The following THEMIS variants were observed in gnomAD, a reference collection of about 807,000 sequenced individuals.
THEMIS encodes the protein thymocyte selection associated.
THEMIS carries 37 observed loss-of-function variants against 52.6 expected under a neutral mutation model. The observed-to-expected ratio is 0.70, with a 90% CI of 0.54 to 0.93. THEMIS has a LOEUF of 0.93. Ranked by LOEUF, THEMIS falls within the 40% of genes least tolerant of loss-of-function variation. The pLI is 0.00. For missense variants in THEMIS, 808 were observed against 763.1 expected, an observed-to-expected ratio of 1.06 and a Z score of -0.69; for synonymous variants, 292 against 272.7, an observed-to-expected ratio of 1.07 and a Z score of -0.70.
chr6:127,867,888 A>G (rs1271178374), intron 1 of THEMIS, among the ~76,000 whole-genome samples: 1 of 151,948 alleles, frequency 6.6e-6, no homozygotes, highest in African/African-American at 2.4e-5. Context: ...AAATTTCAAG[A>G]CTGATGTTTA....
intron 1 of THEMIS, among the ~76,000 whole-genome samples, chr6:127,914,775 T>C (rs1400551242): frequency 6.6e-6 from 1 of 152,234 alleles, no homozygotes; most frequent in Non-Finnish European, 1.5e-5. Context: ...GTTCCCACTT[T>C]ACAGTAAAGT....
chr6:127,911,357 T>C lies in THEMIS; in HGVS notation c.-150+7071A>G, dbSNP rs142961786. ...ATTTCTGTCTTCTCCTTCATTTATT[T>C]ATTTATTTATTTATTTAATCATGAG... On this transcript the variant is annotated intron_variant, in intron 1 of 6. Coordinates refer to the THEMIS transcript ENST00000368250. 2.1e-4 allele frequency among the ~76,000 whole-genome samples: 31 copies of C among 150,826 alleles called. 1 individual carries two copies. The East Asian group carries it at 4.8e-3, about 24-fold the overall frequency.
chr6:127,902,191 T>C (rs1317292504), upstream of THEMIS, among the ~76,000 whole-genome samples: 1 of 151,636 alleles, frequency 6.6e-6, no homozygotes, highest in East Asian at 2.0e-4. Context: ...CCAGGCATGG[T>C]GGCACATGCC....
In THEMIS at chr6:127,719,789, G is replaced by A; in HGVS notation, c.1793C>T (p.Pro598Leu). Residue 598 changes from proline (P) to leucine (L), a missense_variant, in exon 5 of 6, where the codon CCA (proline) becomes CTA (leucine). Transcript: ENST00000368248. The stretch of plus-strand genomic sequence containing the variant: ...TTTTGAATCCAGGCCAGCTTGATTT[G>A]GGTGAAGTTTCTTGGTTATGTCTAC... ...HHVDITKKLH[P>L]NQAGLDSKVL... 6 of 1,612,282 alleles carry A rather than the reference G, an allele frequency of 3.7e-6. No homozygotes were observed. Among genetic ancestry groups the A allele is most frequent in the Non-Finnish European group, 3.4e-6 (4 of 1,178,932 alleles).
At chr6:127,832,836 T>A (rs1424187217) in intron 2 of THEMIS, among the ~76,000 whole-genome samples, 1 of 128,056 alleles carries the variant, frequency 7.8e-6, no homozygotes, top group African/African-American at 2.9e-5. Context: ...CAGGCTGGAG[T>A]GCAGTGGTAC....
At position 127,855,055 on chromosome 6, in the gene THEMIS, T is replaced by C. The variant is rs764061012; in HGVS notation, c.225A>G (p.Pro75=). The C allele has an allele frequency of 3.7e-6, 6 of 1,608,782 alleles. No homozygotes were observed. Among genetic ancestry groups the C allele is most frequent in the Middle Eastern group, 1.7e-4 (1 of 6,042 alleles). The change falls in exon 2 of 6, where the codon CCA becomes CCG. Residue 75 remains proline, a synonymous_variant. Coordinates refer to ENST00000368248, the MANE Select transcript of THEMIS (RefSeq NM_001010923.3). ...EQIEGCESLQ[P]FELPMNFPGL... Reference sequence around the variant, plus strand: ...CTGGAAAATTCATAGGCAGTTCAAATGGCTGTAGAGACTCACAACCTTCAA... The same window carrying C: ...CTGGAAAATTCATAGGCAGTTCAAACGGCTGTAGAGACTCACAACCTTCAA...
chr6:127,736,638 C>T (rs1053629871), intron 4 of THEMIS, among the ~76,000 whole-genome samples: 4 of 151,960 alleles, frequency 2.6e-5, no homozygotes, highest in African/African-American at 7.2e-5. Flanking sequence ...AAACAATATC[C>T]TCAAATGCAA....
chr6:127,878,738 AATTTCT>A (rs1291125463), intron 1 of THEMIS, among the ~76,000 whole-genome samples: 1 of 152,200 alleles, frequency 6.6e-6, no homozygotes, highest in Admixed American at 6.5e-5. Flanking sequence ...AATAAATAGA[AATTTCT>A]GAATATTACT....
intron 4 of THEMIS, among the ~76,000 whole-genome samples, chr6:127,763,561 TATC>T (rs559777340): frequency 5.4e-4 from 82 of 152,072 alleles, no homozygotes; most frequent in South Asian, 1.2e-3. Flanking sequence ...TCTCCTTACT[TATC>T]ATGATCCATG....
chr6:127,835,148 C>A (rs540038060), intron 2 of THEMIS, among the ~76,000 whole-genome samples: 17 of 152,258 alleles, frequency 1.1e-4, no homozygotes, highest in Admixed American at 5.2e-4. Context: ...AGACCTTAGG[C>A]ACCCCCAAAC....
At chr6:127,849,035 C>A (rs374325823) in intron 2 of THEMIS, among the ~76,000 whole-genome samples, 3 of 152,046 alleles carry the variant, frequency 2.0e-5, no homozygotes, top group East Asian at 1.9e-4. Context: ...CCTAGGTTTT[C>A]TTCTAGGGTT....
At chr6:127,726,350 G>T (rs1160759792) in intron 4 of THEMIS, among the ~76,000 whole-genome samples, 2 of 151,992 alleles carry the variant, frequency 1.3e-5, no homozygotes, top group Non-Finnish European at 2.9e-5. Flanking sequence ...ATCCTACAAA[G>T]ACCTCTTCTT....
At chr6:127,876,249 T>C (rs1780310513) in intron 1 of THEMIS, among the ~76,000 whole-genome samples, 1 of 152,098 alleles carries the variant, frequency 6.6e-6, no homozygotes, top group Admixed American at 6.6e-5. Flanking sequence ...AATATCAAAA[T>C]GATCCACCAG....
At position 127,757,119 on chromosome 6, in the gene THEMIS, C is replaced by T. The variant is rs368262715; in HGVS notation, c.1759-37296G>A. Among the ~76,000 whole-genome samples, 10 of 152,200 alleles carry T rather than the reference C, an allele frequency of 6.6e-5. 1 individual carries two copies. The highest frequency in any genetic ancestry group is 2.2e-4 in the African/African-American group (9 of 41,534). The stretch of plus-strand genomic sequence containing the variant: ...ACATGTGGTCATTAAACTCTTGAAA[C>T]GTAACTAGTTCAAATAAATAAGTAA... On this transcript the variant is annotated intron_variant, in intron 4 of 5. Transcript: ENST00000368248.
intron 2 of THEMIS, among the ~76,000 whole-genome samples, chr6:127,853,877 G>C (rs890811759): frequency 6.6e-6 from 1 of 151,614 alleles, no homozygotes; most frequent in African/African-American, 2.4e-5. Flanking sequence ...AGAAGTGGCA[G>C]AGCTGGGATT....
At chr6:127,776,293 G>A (rs761670981) in intron 4 of THEMIS, among the ~76,000 whole-genome samples, 8 of 152,156 alleles carry the variant, frequency 5.3e-5, no homozygotes, top group Non-Finnish European at 5.9e-5. Flanking sequence ...GATTGTAGGC[G>A]GATTTAGTGA....
chr6:127,807,411 CTCACAGTCAAAAAAGCTA>C (rs1423302228), intron 4 of THEMIS: 1 of 199,868 alleles, frequency 5.0e-6, no homozygotes, highest in African/African-American at 2.6e-5. Flanking sequence ...AAAATTGTAT[CTCACAGTCAAAAAAGCTA>C]AAATTGTATC....
intron 1 of THEMIS, among the ~76,000 whole-genome samples, chr6:127,878,021 C>CTAA (rs1396928476): frequency 1.5e-4 from 23 of 152,160 alleles, no homozygotes; most frequent in African/African-American, 4.8e-4. Flanking sequence ...CATGCAAAGA[C>CTAA]TAATCAAAGG....
intron 4 of THEMIS, among the ~76,000 whole-genome samples, chr6:127,739,766 C>G (rs1775133631): frequency 6.6e-6 from 1 of 152,182 alleles, no homozygotes; most frequent in African/African-American, 2.4e-5. Flanking sequence ...CTATTTAATG[C>G]TGTACCGTAA....
Sources: gnomAD v4.1 joint callset for allele counts (sites outside exome capture counted in the v4.1 genomes callset) on GRCh38, gnomAD v4.1.1 for gene constraint, MANE v1.5 for transcripts, NCBI Gene and HGNC (gene_info 2026-07-23, HGNC 2026-07-21) for gene names.